The following IGF1R variants were observed in gnomAD, a reference collection of about 807,000 sequenced individuals.
The protein encoded by IGF1R is insulin-like growth factor 1 receptor.
Under a neutral mutation model 144.6 loss-of-function variants are expected in IGF1R, and 44 were observed. That is an observed-to-expected ratio of 0.30 (90% CI 0.24 to 0.39). The LOEUF is 0.39. IGF1R is among the 10% of genes least tolerant of loss of function. The pLI, the probability that IGF1R is intolerant of heterozygous loss-of-function variation, is 1.00. For missense variants in IGF1R, 1,355 were observed against 1,833.7 expected (o/e 0.74, Z 4.77); for synonymous variants, 795 against 722.8 (o/e 1.10, Z -1.60).
At position 98,939,442 on chromosome 15, in the gene IGF1R, A is replaced by G; in HGVS notation, c.3457+82A>G. On this transcript the variant is annotated intron_variant, in intron 18 of 20. Coordinates refer to ENST00000650285, the MANE Select transcript of IGF1R (RefSeq NM_000875.5). Reference sequence around the variant, plus strand: ...TTTGTTGGCATTAGTCTGCCCCTGGAGAGGTTTTCTAGTGTGTCCCTTGAG... The same window carrying G: ...TTTGTTGGCATTAGTCTGCCCCTGGGGAGGTTTTCTAGTGTGTCCCTTGAG... 4 of 1,378,728 alleles carry G rather than the reference A, an allele frequency of 2.9e-6. No individual in the cohort carries two copies. The Middle Eastern group carries it at 5.8e-4, about 202-fold the overall frequency. 85.4% of individuals were successfully genotyped at this position (1,378,728 alleles called of 1,614,324 possible). A position where few individuals can be genotyped will look rare whatever the true frequency, so the allele number is the denominator to read the frequency against.
intron 17 of IGF1R, among the ~76,000 whole-genome samples, chr15:98,936,500 CCTTA>C (rs1386870458): frequency 6.6e-6 from 1 of 152,038 alleles, no homozygotes; most frequent in Non-Finnish European, 1.5e-5. Context: ...AGTCTTTGAC[CCTTA>C]CTTTGCTGCT....
Position 98,957,494 on chromosome 15 carries a change from G to T in IGF1R, c.*52G>T. On this transcript the variant is annotated 3_prime_UTR_variant, in exon 21 of 21. Coordinates refer to ENST00000650285, the MANE Select transcript of IGF1R (RefSeq NM_000875.5). ...AGTAACGTGTGCGCACGCGCAGCGG[G>T]GTGGGGGGGGAGAGAGAGTTTTAAC... The T allele has an allele frequency of 1.2e-6, 2 of 1,608,910 alleles. No individual in the cohort carries two copies. Among genetic ancestry groups the T allele is most frequent in the Non-Finnish European group, 8.5e-7 (1 of 1,178,072 alleles).
chr15:98,751,851 T>TAA, intron 2 of IGF1R, among the ~76,000 whole-genome samples: 1 of 152,130 alleles, frequency 6.6e-6, no homozygotes, highest in East Asian at 1.9e-4. Context: ...ACAAATAACA[T>TAA]AATTGTTTGG....
intron 5 of IGF1R, among the ~76,000 whole-genome samples, chr15:98,901,205 G>A (rs534008007): frequency 6.6e-6 from 1 of 152,274 alleles, no homozygotes; most frequent in Admixed American, 6.5e-5. Context: ...GGTAAGCCCG[G>A]GCCCCTGGCC....
chr15:98,962,465 A>T lies in IGF1R; in HGVS notation c.*5023A>T, dbSNP rs577260972. On this transcript the variant is annotated 3_prime_UTR_variant, in exon 21 of 21. Transcript: ENST00000650285. Reference sequence around the variant, plus strand: ...TCACTCTGAAGTAGCTGGTGGTACAAATGAGAACTTCAAGAGAGGATGTTA... The same window carrying T: ...TCACTCTGAAGTAGCTGGTGGTACATATGAGAACTTCAAGAGAGGATGTTA... 1 of 233,782 alleles carries T rather than the reference A, an allele frequency of 4.3e-6. No homozygotes were observed. The highest frequency in any genetic ancestry group is 5.6e-5 in the Admixed American group (1 of 17,804). The allele number at this position is 233,782 out of a possible 1,614,324, so 14.5% of individuals were successfully genotyped here.
At chr15:98,752,766 T>A (rs575635095) in intron 2 of IGF1R, among the ~76,000 whole-genome samples, 1 of 152,292 alleles carries the variant, frequency 6.6e-6, no homozygotes, top group Admixed American at 6.5e-5. Context: ...ACTAATGATG[T>A]GTATAATATT....
intron 2 of IGF1R, among the ~76,000 whole-genome samples, chr15:98,860,056 C>T (rs2012062931): frequency 6.6e-6 from 1 of 152,216 alleles, no homozygotes. Context: ...GCTGGAATTA[C>T]AGGCATGTGC....
intron 1 of IGF1R, among the ~76,000 whole-genome samples, chr15:98,679,167 A>T (rs937872565): frequency 1.3e-5 from 2 of 151,650 alleles, no homozygotes; most frequent in Non-Finnish European, 2.9e-5. Flanking sequence ...TGGCCTCCCA[A>T]AGTGTTGGGA....
chr15:98,905,916 T>C (rs1440557732), intron 5 of IGF1R, among the ~76,000 whole-genome samples: 1 of 152,188 alleles, frequency 6.6e-6, no homozygotes, highest in Non-Finnish European at 1.5e-5. Flanking sequence ...AAGCTGTGGC[T>C]CGAAAAACAA....
intron 2 of IGF1R, among the ~76,000 whole-genome samples, chr15:98,712,847 C>T (rs920297952): frequency 2.7e-5 from 4 of 149,556 alleles, no homozygotes; most frequent in African/African-American, 5.0e-5. Flanking sequence ...CGACCTCAGG[C>T]GATCCACCGG....
intron 13 of IGF1R, 84 bp downstream of exon 13, chr15:98,924,768 GT>G: frequency 7.9e-7 from 1 of 1,260,036 alleles, no homozygotes; most frequent in East Asian, 2.3e-5. Flanking sequence ...GTTCATGGCT[GT>G]CTTATTTTCT....
Position 98,943,029 on chromosome 15 carries a change from C to T in IGF1R, c.3564C>T (p.Val1188=). ...CTCCTGAGTCCCTCAAGGATGGAGT[C>T]TTCACCACTTACTCGGACGTCTGGT... ...WMSPESLKDG[V]FTTYSDVWSF... is the part of the protein sequence containing the mutation. Residue 1188 remains valine, a synonymous_variant, in exon 19 of 21, where the codon GTC becomes GTT. Transcript: ENST00000650285. 1.2e-6 allele frequency: 2 copies of T among 1,614,236 alleles called. No individual in the cohort carries two copies. The highest frequency in any genetic ancestry group is 2.2e-5 in the South Asian group (2 of 91,082).
At chr15:98,653,418 G>T (rs999818939) in intron 1 of IGF1R, among the ~76,000 whole-genome samples, 2 of 152,214 alleles carry the variant, frequency 1.3e-5, no homozygotes, top group African/African-American at 4.8e-5. Context: ...ACCACAAGTG[G>T]TAGTAAGGAC....
At chr15:98,857,257 C>T (rs886284796) in intron 2 of IGF1R, among the ~76,000 whole-genome samples, 1 of 152,138 alleles carries the variant, frequency 6.6e-6, no homozygotes, top group African/African-American at 2.4e-5. Context: ...CTCACCCTTT[C>T]GCCCAAGCTG....
chr15:98,888,438 A>AGT (rs1191582086), intron 2 of IGF1R, among the ~76,000 whole-genome samples: 1 of 143,354 alleles, frequency 7.0e-6, no homozygotes, highest in East Asian at 2.1e-4. Context: ...AGAGAGAGAG[A>AGT]GTGTGTGTGT....
intron 5 of IGF1R, among the ~76,000 whole-genome samples, chr15:98,906,570 A>C (rs1226960505): frequency 2.0e-5 from 3 of 152,324 alleles, no homozygotes; most frequent in African/African-American, 7.2e-5. Flanking sequence ...GGTAGTGAGA[A>C]ACAGCAGGTA....
intron 4 of IGF1R, 57 bp from the exon 5 acceptor site, chr15:98,899,420 A>C (rs746787557): frequency 7.9e-5 from 125 of 1,574,248 alleles, no homozygotes; most frequent in Non-Finnish European, 1.1e-4. Context: ...TAAGAATCCA[A>C]GTATGTCACC....
At chr15:98,885,732 T>G (rs1440175859) in intron 2 of IGF1R, among the ~76,000 whole-genome samples, 1 of 152,166 alleles carries the variant, frequency 6.6e-6, no homozygotes, top group Admixed American at 6.5e-5. Context: ...TGATTGGGGA[T>G]AAAATTGTTT....
At chr15:98,816,607 T>C (rs954830072) in intron 2 of IGF1R, among the ~76,000 whole-genome samples, 8 of 152,222 alleles carry the variant, frequency 5.3e-5, no homozygotes, top group Admixed American at 3.3e-4. Context: ...ACCCACTCTG[T>C]AGCTGCAGAT....
Sources: gnomAD v4.1 joint callset for allele counts (sites outside exome capture counted in the v4.1 genomes callset) on GRCh38, gnomAD v4.1.1 for gene constraint, MANE v1.5 for transcripts, NCBI Gene and HGNC (gene_info 2026-07-23, HGNC 2026-07-21) for gene names.